Variants in EBF1 observed in about 807,000 individuals in gnomAD.
EBF1 encodes the protein EBF transcription factor 1.
In EBF1, 10 loss-of-function variants were observed where a neutral mutation model predicts 68.4. The observed-to-expected ratio is 0.15, with a 90% CI of 0.09 to 0.25. The LOEUF (loss-of-function observed/expected upper bound fraction) is 0.25. Ranked by LOEUF, EBF1 falls within the 10% of genes least tolerant of loss-of-function variation. EBF1 has a pLI of 1.00. For missense variants in EBF1, 509 were observed against 794.4 expected (o/e 0.64, Z 4.32); for synonymous variants, 298 against 299.8 (o/e 0.99, Z 0.06).
intron 6 of EBF1, among the ~76,000 whole-genome samples, chr5:159,068,075 G>A (rs989097860): frequency 6.6e-6 from 1 of 152,142 alleles, no homozygotes; most frequent in Non-Finnish European, 1.5e-5. Context: ...TGCATTGGTG[G>A]TGGTTGGTCC....
At chr5:158,962,584 T>C (rs1363712811) in intron 6 of EBF1, among the ~76,000 whole-genome samples, 1 of 152,238 alleles carries the variant, frequency 6.6e-6, no homozygotes, top group African/African-American at 2.4e-5. Flanking sequence ...GTACAACTTC[T>C]TATGTTCTAT....
At chr5:159,047,197 G>T (rs954309283) in intron 6 of EBF1, among the ~76,000 whole-genome samples, 1 of 152,208 alleles carries the variant, frequency 6.6e-6, no homozygotes, top group Non-Finnish European at 1.5e-5. Flanking sequence ...TGAAGGGAAA[G>T]GGGCTAGAAT....
intron 6 of EBF1, among the ~76,000 whole-genome samples, chr5:158,996,597 TG>T (rs1314050301): frequency 6.6e-6 from 1 of 152,200 alleles, no homozygotes; most frequent in African/African-American, 2.4e-5. Context: ...CATGTAGTAT[TG>T]GTGGAAAGTG....
chr5:158,840,618 A>G (rs73297997), intron 6 of EBF1, among the ~76,000 whole-genome samples: 2,228 of 143,854 alleles, frequency 0.015, 58 homozygotes, highest in African/African-American at 0.054. Context: ...AACTAACTAA[A>G]CTCCTTTGAC....
chr5:158,719,542 C>T (rs1429516769), intron 11 of EBF1, among the ~76,000 whole-genome samples: 1 of 152,162 alleles, frequency 6.6e-6, no homozygotes, highest in Admixed American at 6.6e-5. Flanking sequence ...GACCTGAAAT[C>T]TATAGCTAAT....
intron 10 of EBF1, among the ~76,000 whole-genome samples, chr5:158,758,053 T>C (rs1770526159): frequency 6.6e-6 from 1 of 152,196 alleles, no homozygotes; most frequent in Non-Finnish European, 1.5e-5. Flanking sequence ...GCACCTTTTA[T>C]CATGTGCCAA....
chr5:158,726,868 G>A (rs1763097791), intron 11 of EBF1, among the ~76,000 whole-genome samples: 1 of 152,216 alleles, frequency 6.6e-6, no homozygotes, highest in African/African-American at 2.4e-5. Context: ...TGATGTCGTA[G>A]CAAGTCACTC....
rs568008979 is a variant in EBF1 at position 159,076,057 on chromosome 5, C to T, written c.486-2593G>A. On this transcript the variant is annotated intron_variant, in intron 5 of 15. Coordinates refer to ENST00000313708, the MANE Select transcript of EBF1 (RefSeq NM_024007.5). ...TGTTTTTTTTTTTCCTTTTAAGGCA[C>T]TTAACTCAATGCAAATTATATTTTT... 1.5e-4 allele frequency among the ~76,000 whole-genome samples: 23 copies of T among 151,784 alleles called. 1 individual carries two copies. The South Asian group carries it at 4.6e-3, about 30-fold the overall frequency.
At chr5:158,763,552 G>C (rs1771975932) in intron 10 of EBF1, among the ~76,000 whole-genome samples, 1 of 151,896 alleles carries the variant, frequency 6.6e-6, no homozygotes, top group Non-Finnish European at 1.5e-5. Context: ...AAACAAATCA[G>C]AATAATGATG....
At chr5:158,961,192 G>T (rs575094956) in intron 6 of EBF1, among the ~76,000 whole-genome samples, 3 of 152,254 alleles carry the variant, frequency 2.0e-5, no homozygotes, top group South Asian at 2.1e-4. Flanking sequence ...CCAGTGAACT[G>T]CACTGTCTTA....
At chr5:158,758,580 A>ATCTTAATATTC (rs1350264341) in intron 10 of EBF1, among the ~76,000 whole-genome samples, 1 of 152,212 alleles carries the variant, frequency 6.6e-6, no homozygotes, top group Non-Finnish European at 1.5e-5. Flanking sequence ...TAGAAAAGTA[A>ATCTTAATATTC]TCTTAATATT....
chr5:158,825,694 A>G (rs1785942301), intron 7 of EBF1, among the ~76,000 whole-genome samples: 1 of 152,178 alleles, frequency 6.6e-6, no homozygotes, highest in Non-Finnish European at 1.5e-5. Context: ...CCAGGGCCAC[A>G]TGTGTGATAG....
intron 6 of EBF1, among the ~76,000 whole-genome samples, chr5:158,891,647 T>C (rs1801205692): frequency 6.6e-6 from 1 of 152,170 alleles, no homozygotes; most frequent in Non-Finnish European, 1.5e-5. Context: ...TCTATGTGTA[T>C]ATATGTGTGT....
rs115824384 is a variant in EBF1, at chr5:158,843,064, A to C, written c.555-2954T>G. Reference sequence around the variant, plus strand: ...AAATAAGATTAATCGAACTACTAAGAATAATTATTAGTATCATGATTTCCA... The same window carrying C: ...AAATAAGATTAATCGAACTACTAAGCATAATTATTAGTATCATGATTTCCA... On this transcript the variant is annotated intron_variant, in intron 6 of 15. Coordinates refer to ENST00000313708, the MANE Select transcript of EBF1 (RefSeq NM_024007.5). 7.8e-3 allele frequency among the ~76,000 whole-genome samples: 1,193 copies of C among 152,326 alleles called. 12 individuals carry two copies. The highest frequency in any genetic ancestry group is 0.027 in the African/African-American group (1,141 of 41,562).
chr5:159,089,529 G>A (rs1561991543), intron 4 of EBF1, among the ~76,000 whole-genome samples: 1 of 152,028 alleles, frequency 6.6e-6, no homozygotes, highest in Admixed American at 6.6e-5. Context: ...AATGTACACC[G>A]GGATCACACT....
intron 6 of EBF1, among the ~76,000 whole-genome samples, chr5:158,998,886 C>T (rs758226544): frequency 2.0e-5 from 3 of 151,980 alleles, no homozygotes; most frequent in African/African-American, 4.8e-5. Context: ...CCAACTGTGC[C>T]GGATCGCGAT....
chr5:158,943,034 G>A (rs1032728374), intron 6 of EBF1, among the ~76,000 whole-genome samples: 1 of 104,318 alleles, frequency 9.6e-6, no homozygotes, highest in South Asian at 4.1e-4. Flanking sequence ...AGGGGGGAAG[G>A]AATGAAGGGA....
intron 6 of EBF1, among the ~76,000 whole-genome samples, chr5:159,024,592 C>G (rs1044910296): frequency 6.6e-6 from 1 of 152,144 alleles, no homozygotes; most frequent in African/African-American, 2.4e-5. Context: ...CTTGTCCCTA[C>G]CAAGGATAGT....
chr5:158,969,891 A>AG (rs1755121972), intron 6 of EBF1, among the ~76,000 whole-genome samples: 1 of 113,282 alleles, frequency 8.8e-6, no homozygotes, highest in African/African-American at 3.2e-5. Flanking sequence ...AAAGAAAGAA[A>AG]GAAAGAAAGA....
Sources: gnomAD v4.1 joint callset for allele counts (sites outside exome capture counted in the v4.1 genomes callset) on GRCh38, gnomAD v4.1.1 for gene constraint, MANE v1.5 for transcripts, NCBI Gene and HGNC (gene_info 2026-07-23, HGNC 2026-07-21) for gene names.